DLG2: variants seen among roughly 807,000 people sequenced by gnomAD.
DLG2 encodes the protein discs large MAGUK scaffold protein 2.
In DLG2, 45 loss-of-function variants were observed where a neutral mutation model predicts 132.5. The observed-to-expected ratio is 0.34, with a 90% confidence interval of 0.27 to 0.44. The LOEUF is 0.44. DLG2 is among the 20% of genes least tolerant of loss of function. The pLI, the probability that DLG2 is intolerant of heterozygous loss-of-function variation, is 1.00. For missense variants in DLG2, 1,045 were observed against 1,196.9 expected, an observed-to-expected ratio of 0.87 and a Z score of 1.87; for synonymous variants, 424 against 419.6, an observed-to-expected ratio of 1.01 and a Z score of -0.13.
chr11:85,186,183 T>C (rs539031655), intron 4 of DLG2, among the ~76,000 whole-genome samples: 72 of 152,062 alleles, frequency 4.7e-4, no homozygotes, highest in African/African-American at 1.7e-3. Flanking sequence ...TTGTGAGCCA[T>C]AGTAAAATTT....
chr11:83,720,917 C>A (rs949741225), intron 18 of DLG2: 1 of 151,942 alleles, frequency 6.6e-6, no homozygotes, highest in Non-Finnish European at 1.5e-5. Flanking sequence ...ACCAACCTAC[C>A]CTGGGGAGCC....
intron 5 of DLG2, among the ~76,000 whole-genome samples, chr11:85,146,640 G>A (rs1250859172): frequency 6.6e-6 from 1 of 152,096 alleles, no homozygotes; most frequent in Non-Finnish European, 1.5e-5. Flanking sequence ...TTTTTCTTCT[G>A]CTTTCCCAAA....
At chr11:85,252,015 C>G (rs1017188600) in intron 4 of DLG2, among the ~76,000 whole-genome samples, 21 of 152,108 alleles carry the variant, frequency 1.4e-4, no homozygotes, top group Admixed American at 8.5e-4. Flanking sequence ...AACAAAATAG[C>G]AAGAGCAAAA....
At chr11:84,503,727 A>G (rs762669931) in intron 7 of DLG2, among the ~76,000 whole-genome samples, 3 of 152,210 alleles carry the variant, frequency 2.0e-5, no homozygotes, top group Non-Finnish European at 4.4e-5. Flanking sequence ...GTTCAACAGT[A>G]TATGCATTTG....
chr11:83,732,910 A>G (rs981939150), intron 18 of DLG2, among the ~76,000 whole-genome samples: 1 of 152,098 alleles, frequency 6.6e-6, no homozygotes, highest in African/African-American at 2.4e-5. Context: ...TAACTGAACC[A>G]CTTTCTGCAC....
At chr11:85,391,890 C>T (rs113331179) in intron 3 of DLG2, among the ~76,000 whole-genome samples, 1 of 152,066 alleles carries the variant, frequency 6.6e-6, no homozygotes, top group Non-Finnish European at 1.5e-5. Flanking sequence ...GACAATGATG[C>T]CAACTTTCAC....
chr11:84,373,265 C>CAAAAAAAAAAAAAAAAAAAAAAAA (rs59038372), intron 7 of DLG2, among the ~76,000 whole-genome samples: 1 of 98,090 alleles, frequency 1.0e-5, no homozygotes, highest in African/African-American at 4.6e-5. Context: ...AAAAAAAAAA[C>CAAAAAAAAAAAAAAAAAAAAAAAA]AAAACAAAAA....
At chr11:83,587,993 G>A (rs1234365924) in intron 19 of DLG2, among the ~76,000 whole-genome samples, 2 of 152,200 alleles carry the variant, frequency 1.3e-5, no homozygotes, top group East Asian at 1.9e-4. Context: ...AGGCTCCTAA[G>A]CCCACGGAGT....
chr11:84,354,743 A>G (rs1245986158), intron 7 of DLG2, among the ~76,000 whole-genome samples: 2 of 152,120 alleles, frequency 1.3e-5, no homozygotes, highest in Non-Finnish European at 2.9e-5. Flanking sequence ...GAAGCTGGTT[A>G]TTGTACAGTT....
chr11:84,694,789 C>T (rs2058440954), intron 6 of DLG2, among the ~76,000 whole-genome samples: 1 of 151,496 alleles, frequency 6.6e-6, no homozygotes. Flanking sequence ...AATCCAGAAT[C>T]AGTTAAGTCC....
At chr11:85,328,770 G>C (rs2081545123) in intron 3 of DLG2, among the ~76,000 whole-genome samples, 1 of 148,360 alleles carries the variant, frequency 6.7e-6, no homozygotes, top group Non-Finnish European at 1.5e-5. Flanking sequence ...GGAAGTTCTG[G>C]CCAGGGCAAT....
In DLG2 at chr11:83,787,317, TTTTTTG is replaced by T. The variant is rs1314426907; in HGVS notation, c.1723-531_1723-526del. 7.1e-4 allele frequency among the ~76,000 whole-genome samples: 64 copies of T among 90,096 alleles called. 3 individuals carry two copies. The highest frequency in any genetic ancestry group is 3.5e-3 in the African/African-American group (55 of 15,890). 59.1% of individuals were successfully genotyped at this position (90,096 alleles called of 152,430 possible). A position where few individuals can be genotyped will look rare whatever the true frequency, so the allele number is the denominator to read the frequency against. Reference sequence around the variant, plus strand: ...GTTAGACAGCCTTAAGCCTTGTTTTTTTTTTGTTTTTTTTTTTTTTTTTAGACAGAG... The same window carrying T: ...GTTAGACAGCCTTAAGCCTTGTTTTTTTTTTTTTTTTTTTTTTAGACAGAG... On this transcript the variant is annotated intron_variant, in intron 17 of 27. Transcript: ENST00000376104.
chr11:85,481,693 G>A (rs2093295358), intron 3 of DLG2, among the ~76,000 whole-genome samples: 1 of 152,044 alleles, frequency 6.6e-6, no homozygotes, highest in Non-Finnish European at 1.5e-5. Flanking sequence ...GCCCCAGTCT[G>A]TAGACTGCCC....
chr11:85,489,897 A>C (rs2153104409), intron 3 of DLG2, among the ~76,000 whole-genome samples: 1 of 152,310 alleles, frequency 6.6e-6, no homozygotes, highest in East Asian at 1.9e-4. Context: ...AAAATGAGTA[A>C]ATAAAAATAA....
At chr11:85,308,178 A>AATAAAATAATATAAT (rs71036467) in intron 3 of DLG2, among the ~76,000 whole-genome samples, 9 of 143,478 alleles carry the variant, frequency 6.3e-5, no homozygotes, top group Non-Finnish European at 9.1e-5. Flanking sequence ...AATAAAATAA[A>AATAAAATAATATAAT]ATAAAATAAA....
At chr11:83,624,490 T>A (rs996240445) in intron 19 of DLG2, among the ~76,000 whole-genome samples, 1 of 152,096 alleles carries the variant, frequency 6.6e-6, no homozygotes, top group Admixed American at 6.5e-5. Flanking sequence ...CCTGAAAGAG[T>A]AAGCATTATG....
chr11:83,862,300 T>C (rs1388601857), intron 16 of DLG2, among the ~76,000 whole-genome samples: 2 of 152,134 alleles, frequency 1.3e-5, no homozygotes, highest in Admixed American at 6.6e-5. Flanking sequence ...ACAACACGAA[T>C]GGAACTGGAG....
rs578071836 is a variant in DLG2, at chr11:84,734,386, C to T, written c.358-199655G>A. Reference sequence around the variant, plus strand: ...GTAAGTTGGATTCCTAGGTATTTTACTCTCTTTGAAGCAATTGTGAATGGA... The same window carrying T: ...GTAAGTTGGATTCCTAGGTATTTTATTCTCTTTGAAGCAATTGTGAATGGA... On this transcript the variant is annotated intron_variant, in intron 6 of 27. Coordinates refer to ENST00000376104, the MANE Select transcript of DLG2 (RefSeq NM_001142699.3). 1.5e-4 allele frequency among the ~76,000 whole-genome samples: 23 copies of T among 152,056 alleles called. 1 individual carries two copies. The highest frequency in any genetic ancestry group is 5.2e-4 in the Admixed American group (8 of 15,262).
chr11:84,333,881 C>T (rs908652574), intron 7 of DLG2, among the ~76,000 whole-genome samples: 1 of 152,120 alleles, frequency 6.6e-6, no homozygotes, highest in Non-Finnish European at 1.5e-5. Context: ...GTCACAAATA[C>T]AATGACACTT....
Sources: allele counts gnomAD v4.1 joint callset (sites outside exome capture counted in the v4.1 genomes callset), GRCh38; gene constraint gnomAD v4.1.1; transcripts MANE v1.5; gene names NCBI Gene and HGNC (gene_info 2026-07-23, HGNC 2026-07-21).